HUNK: variants seen among roughly 807,000 people sequenced by gnomAD.
HUNK encodes hormonally up-regulated neu tumor-associated kinase.
In HUNK, 21 loss-of-function variants were observed where a neutral mutation model predicts 61.0. The observed-to-expected ratio is 0.34, with a 90% CI of 0.24 to 0.50. HUNK has a LOEUF of 0.50. Ranked by LOEUF, HUNK falls within the 20% of genes least tolerant of loss-of-function variation. The pLI, the probability that HUNK is intolerant of heterozygous loss-of-function variation, is 0.98. For missense variants in HUNK, 772 were observed against 945.7 expected (o/e 0.82, Z 2.41); for synonymous variants, 371 against 386.1 (o/e 0.96, Z 0.46).
chr21:31,984,969 G>A (rs1421983662), intron 8 of HUNK, among the ~76,000 whole-genome samples: 1 of 152,188 alleles, frequency 6.6e-6, no homozygotes, highest in African/African-American at 2.4e-5. Context: ...TAAATGAGGA[G>A]CAAAGTCACG....
At chr21:31,877,554 TG>T (rs143823465) in intron 1 of HUNK, among the ~76,000 whole-genome samples, 1,790 of 152,334 alleles carry the variant, frequency 0.012, 33 homozygotes, top group African/African-American at 0.04. Context: ...TTTGAGTTAA[TG>T]CAATCTCTGT....
chr21:31,968,219 A>G (rs200287213), intron 5 of HUNK, 31 bp from the exon 6 acceptor site: 3 of 1,613,882 alleles, frequency 1.9e-6, no homozygotes, highest in Non-Finnish European at 2.5e-6. Context: ...AGCCTGTAAC[A>G]TGCGTGCATT....
chr21:31,995,834 G>C lies in HUNK; in HGVS notation c.1372G>C (p.Asp458His). ...FLHRPFSKKL[D>H]KNLPSHKQPS... is the part of the protein sequence containing the mutation. The stretch of plus-strand genomic sequence containing the variant: ...TCATCGACCATTCTCCAAGAAGTTG[G>C]ACAAGAACCTGCCCTCGCACAAACA... Residue 458 changes from aspartate (D) to histidine (H), a missense_variant, in exon 10 of 11, where the codon GAC becomes CAC. Asp to His is a moderately conservative substitution (Grantham distance 81). Transcript: ENST00000270112. The C allele has an allele frequency of 6.2e-7, 1 of 1,614,138 alleles. No homozygotes were observed. Among genetic ancestry groups the C allele is most frequent in the East Asian group, 2.2e-5 (1 of 44,884 alleles).
chr21:31,889,663 A>G (rs113205724), intron 1 of HUNK, among the ~76,000 whole-genome samples: 1 of 152,228 alleles, frequency 6.6e-6, no homozygotes, highest in Non-Finnish European at 1.5e-5. Context: ...TGTGAGAAGT[A>G]GTTGCAATTT....
chr21:31,909,204 C>G (rs1302154150), intron 1 of HUNK, among the ~76,000 whole-genome samples: 2 of 152,224 alleles, frequency 1.3e-5, no homozygotes, highest in Non-Finnish European at 2.9e-5. Context: ...AGCAATTGCA[C>G]AAGCCCCACC....
intron 4 of HUNK, among the ~76,000 whole-genome samples, chr21:31,951,831 C>G (rs1183200299): frequency 1.3e-5 from 2 of 152,176 alleles, no homozygotes; most frequent in African/African-American, 2.4e-5. Flanking sequence ...CAGATATCAT[C>G]AGCTACTGGC....
At chr21:31,939,081 C>T (rs2052751241) in intron 2 of HUNK, among the ~76,000 whole-genome samples, 1 of 152,164 alleles carries the variant, frequency 6.6e-6, no homozygotes, top group South Asian at 2.1e-4. Flanking sequence ...AGACACCTCA[C>T]ACTCAACATG....
At chr21:31,995,586 G>A (rs2053198831) in intron 9 of HUNK, among the ~76,000 whole-genome samples, 182 bp from the exon 10 acceptor site, 1 of 152,214 alleles carries the variant, frequency 6.6e-6, no homozygotes, top group Admixed American at 6.5e-5. Context: ...CCAGGCAGAG[G>A]GAGATGGGCT....
chr21:31,976,783 T>C (rs2053053091), intron 7 of HUNK, among the ~76,000 whole-genome samples: 1 of 146,862 alleles, frequency 6.8e-6, no homozygotes, highest in South Asian at 2.1e-4. Flanking sequence ...TTTTTTTTTT[T>C]CTTTTGAGAT....
At chr21:31,950,405 G>A (rs1204810401) in intron 4 of HUNK, among the ~76,000 whole-genome samples, 2 of 152,202 alleles carry the variant, frequency 1.3e-5, no homozygotes, top group African/African-American at 4.8e-5. Flanking sequence ...AGTCAGGAAG[G>A]CATCTGTAGT....
At chr21:31,931,068 CAAAAA>C (rs10673838) in intron 2 of HUNK, among the ~76,000 whole-genome samples, 10 of 75,162 alleles carry the variant, frequency 1.3e-4, no homozygotes, top group African/African-American at 2.6e-4. Flanking sequence ...AAGACCTAAC[CAAAAA>C]AAAAAAAAAA....
rs867403784 is a variant in HUNK, at chr21:31,874,290, C to A, written c.261+355C>A. ...GCCGGCAGGGGCGGCGGATCCGTGG[C>A]GAGGCGGGAACCAGGGCTAGAGGAG... On this transcript the variant is annotated intron_variant, in intron 1 of 10. Coordinates refer to ENST00000270112, the MANE Select transcript of HUNK (RefSeq NM_014586.2). Among the ~76,000 whole-genome samples, 3 of 112,052 alleles carry A rather than the reference C, an allele frequency of 2.7e-5. No individual in the cohort carries two copies. In the Admixed American group the frequency reaches 3.1e-4, roughly 12 times the overall value. 73.5% of individuals were successfully genotyped at this position (112,052 alleles called of 152,430 possible).
At chr21:31,919,407 T>C (rs1017681221) in intron 1 of HUNK, among the ~76,000 whole-genome samples, 1 of 152,080 alleles carries the variant, frequency 6.6e-6, no homozygotes, top group Admixed American at 6.5e-5. Flanking sequence ...AGTTGGAAGG[T>C]ACAGGAAGAA....
At chr21:31,902,261 A>C (rs1270632549) in intron 1 of HUNK, among the ~76,000 whole-genome samples, 1 of 152,222 alleles carries the variant, frequency 6.6e-6, no homozygotes, top group Non-Finnish European at 1.5e-5. Flanking sequence ...CTGTAATCCC[A>C]GCACTTTGGG....
chr21:31,983,514 C>T lies in HUNK; in HGVS notation c.1174-12C>T, dbSNP rs1312336702. 6.2e-7 allele frequency: 1 copy of T among 1,607,878 alleles called. No individual in the cohort carries two copies. Among genetic ancestry groups the T allele is most frequent in the Non-Finnish European group, 8.5e-7 (1 of 1,175,384 alleles). On this transcript the variant is annotated splice_polypyrimidine_tract_variant and intron_variant, in intron 7 of 10. Coordinates refer to ENST00000270112, the MANE Select transcript of HUNK (RefSeq NM_014586.2). ...AGAGTTGAGCTGTGCTTTTTCTTTTCTCCTCTGGTAGAAATCTGACATCCA... is the reference window on the plus strand; with the variant it reads ...AGAGTTGAGCTGTGCTTTTTCTTTTTTCCTCTGGTAGAAATCTGACATCCA...
chr21:31,947,727 C>T (rs1337911718), intron 4 of HUNK, among the ~76,000 whole-genome samples: 1 of 152,152 alleles, frequency 6.6e-6, no homozygotes, highest in Non-Finnish European at 1.5e-5. Context: ...TGAGTCACCC[C>T]CTCCACCATC....
Position 31,893,726 on chromosome 21 carries a change from A to G in HUNK, c.261+19791A>G, listed in dbSNP as rs537874435. 3.3e-5 allele frequency among the ~76,000 whole-genome samples: 5 copies of G among 152,304 alleles called. No individual in the cohort carries two copies. The East Asian group carries it at 9.6e-4, about 29-fold the overall frequency. The stretch of plus-strand genomic sequence containing the variant: ...ATTCTACACGAGTTACCAGATTAGT[A>G]TGGTTTGAGAAAGTTTGTGGGACAA... On this transcript the variant is annotated intron_variant, in intron 1 of 10. Transcript: ENST00000270112.
chr21:31,889,387 T>C (rs568130903), intron 1 of HUNK, among the ~76,000 whole-genome samples: 29 of 152,210 alleles, frequency 1.9e-4, no homozygotes, highest in Non-Finnish European at 4.1e-4. Flanking sequence ...CCTACTTTAG[T>C]GAAACCAAAT....
rs775998273 is a variant in HUNK at position 31,974,639 on chromosome 21, T to C, written c.1095T>C (p.Thr365=). The part of the protein sequence containing the change: ...LGYKNSDVIN[T]VLSNRACHIL... ...ACAAGAACAGCGACGTGATCAACAC[T>C]GTGCTCTCCAACCGCGCCTGCCACA... The change falls in exon 7 of 11, where the codon ACT becomes ACC. Residue 365 remains threonine (T), a synonymous_variant. Coordinates refer to ENST00000270112, the MANE Select transcript of HUNK (RefSeq NM_014586.2). 6.2e-7 allele frequency: 1 copy of C among 1,614,040 alleles called. No individual in the cohort carries two copies. The highest frequency in any genetic ancestry group is 2.2e-5 in the East Asian group (1 of 44,862).
Sources: allele counts gnomAD v4.1 joint callset (sites outside exome capture counted in the v4.1 genomes callset), GRCh38; gene constraint gnomAD v4.1.1; transcripts MANE v1.5; gene names NCBI Gene and HGNC (gene_info 2026-07-23, HGNC 2026-07-21).